Variants in EXOC4 observed in about 807,000 individuals in gnomAD.
EXOC4 encodes SEC8-like 1.
A neutral mutation model predicts 107.2 loss-of-function variants in EXOC4; 71 were observed. The observed-to-expected ratio is 0.66, with a 90% CI of 0.55 to 0.81. The LOEUF (loss-of-function observed/expected upper bound fraction) is 0.81. Ranked by LOEUF, EXOC4 falls within the 30% of genes least tolerant of loss-of-function variation. The probability of loss-of-function intolerance (pLI) is 0.00; values close to 1 mark genes in which losing one functional copy is unlikely to be tolerated. For synonymous variants in EXOC4, 456 were observed against 441.2 expected, an observed-to-expected ratio of 1.03 and a Z score of -0.42; for missense variants, 1,108 against 1,189.6, an observed-to-expected ratio of 0.93 and a Z score of 1.01.
intron 10 of EXOC4, among the ~76,000 whole-genome samples, chr7:133,685,486 T>A (rs1794277488): frequency 6.6e-6 from 1 of 152,140 alleles, no homozygotes; most frequent in East Asian, 1.9e-4. Context: ...CTTTATAAAT[T>A]ACCCAATCTT....
At chr7:133,669,657 A>T (rs1481327095) in intron 10 of EXOC4, among the ~76,000 whole-genome samples, 1 of 152,236 alleles carries the variant, frequency 6.6e-6, no homozygotes, top group Non-Finnish European at 1.5e-5. Flanking sequence ...TACAGTTTTA[A>T]AAGATAGAAA....
intron 10 of EXOC4, among the ~76,000 whole-genome samples, chr7:133,735,010 A>T (rs1229654363): frequency 6.7e-6 from 1 of 148,740 alleles, no homozygotes; most frequent in Non-Finnish European, 1.5e-5. Flanking sequence ...GGAGTTTGAG[A>T]CAAGCCTGTC....
intron 14 of EXOC4, among the ~76,000 whole-genome samples, chr7:133,942,898 A>C (rs1309211855): frequency 6.6e-6 from 1 of 152,136 alleles, no homozygotes; most frequent in African/African-American, 2.4e-5. Flanking sequence ...ACATTTCTGT[A>C]ATTTGCCACT....
At chr7:133,376,495 G>A (rs1796493454) in intron 7 of EXOC4, among the ~76,000 whole-genome samples, 1 of 152,196 alleles carries the variant, frequency 6.6e-6, no homozygotes, top group African/African-American at 2.4e-5. Flanking sequence ...TTTGCTGTAA[G>A]CAACTTAGGT....
intron 10 of EXOC4, among the ~76,000 whole-genome samples, chr7:133,681,080 T>G (rs1366342801): frequency 6.6e-6 from 1 of 152,218 alleles, no homozygotes; most frequent in Non-Finnish European, 1.5e-5. Context: ...CTCCTGCTTA[T>G]GCCTGTGTGT....
chr7:134,085,754 C>T, the EXOC4 span, among the ~76,000 whole-genome samples: 1 of 152,158 alleles, frequency 6.6e-6, no homozygotes, highest in Non-Finnish European at 1.5e-5. Flanking sequence ...TCAAAAACAA[C>T]CAATAGCAAT....
downstream of EXOC4, among the ~76,000 whole-genome samples, chr7:134,070,642 G>A (rs958312202): frequency 2.0e-5 from 3 of 152,264 alleles, no homozygotes; most frequent in East Asian, 1.9e-4. Flanking sequence ...CCAAAGACGC[G>A]TCTGTAATTA....
chr7:133,778,294 T>C (rs1490082066), intron 10 of EXOC4, among the ~76,000 whole-genome samples: 1 of 152,242 alleles, frequency 6.6e-6, no homozygotes, highest in Non-Finnish European at 1.5e-5. Flanking sequence ...TGAGATATTA[T>C]CTCATTTAAG....
At chr7:133,450,709 T>C (rs1486077437) in intron 7 of EXOC4, among the ~76,000 whole-genome samples, 1 of 152,256 alleles carries the variant, frequency 6.6e-6, no homozygotes, top group African/African-American at 2.4e-5. Flanking sequence ...TCTGTTTTTC[T>C]GAGATGGAAC....
chr7:133,779,002 C>G (rs1027491811), intron 10 of EXOC4, among the ~76,000 whole-genome samples: 2 of 152,162 alleles, frequency 1.3e-5, no homozygotes, highest in Non-Finnish European at 2.9e-5. Flanking sequence ...CTCAAACATC[C>G]TTATGATCTC....
At chr7:133,492,746 T>A (rs1799396084) in intron 9 of EXOC4, among the ~76,000 whole-genome samples, 1 of 152,244 alleles carries the variant, frequency 6.6e-6, no homozygotes, top group Admixed American at 6.5e-5. Flanking sequence ...TGATGTACCC[T>A]GTATTTTTAT....
At chr7:134,025,832 A>G (rs1795126625) in intron 17 of EXOC4, among the ~76,000 whole-genome samples, 1 of 152,224 alleles carries the variant, frequency 6.6e-6, no homozygotes, top group African/African-American at 2.4e-5. Flanking sequence ...CGAGCATAGT[A>G]TCACTTCTGT....
intron 9 of EXOC4, among the ~76,000 whole-genome samples, chr7:133,534,029 C>A (rs1254683108): frequency 6.6e-6 from 1 of 152,182 alleles, no homozygotes; most frequent in African/African-American, 2.4e-5. Flanking sequence ...GAGAATACCT[C>A]TTCTGAATAA....
At chr7:133,814,472 AATG>A (rs1387442181) in intron 10 of EXOC4, among the ~76,000 whole-genome samples, 1 of 152,202 alleles carries the variant, frequency 6.6e-6, no homozygotes, top group Non-Finnish European at 1.5e-5. Flanking sequence ...ACAATGCTGT[AATG>A]ATCTATATAC....
intron 11 of EXOC4, among the ~76,000 whole-genome samples, chr7:133,885,922 G>T (rs1459828648): frequency 6.6e-6 from 1 of 152,090 alleles, no homozygotes; most frequent in Non-Finnish European, 1.5e-5. Context: ...CTAGAGAGGG[G>T]TAGGCAGGAG....
intron 5 of EXOC4, among the ~76,000 whole-genome samples, chr7:133,341,504 C>A (rs998682156): frequency 6.6e-6 from 1 of 152,106 alleles, no homozygotes; most frequent in Non-Finnish European, 1.5e-5. Context: ...AATGTATATT[C>A]TGCAGTTGTT....
At chr7:133,954,942 G>A (rs1300097268) in intron 14 of EXOC4, among the ~76,000 whole-genome samples, 1 of 152,256 alleles carries the variant, frequency 6.6e-6, no homozygotes, top group Non-Finnish European at 1.5e-5. Context: ...TGGCACCAGG[G>A]AACACGGTGG....
intron 10 of EXOC4, among the ~76,000 whole-genome samples, chr7:133,655,995 C>T (rs913929311): frequency 1.3e-5 from 2 of 152,008 alleles, no homozygotes; most frequent in Non-Finnish European, 2.9e-5. Context: ...ATGAGTAATG[C>T]ATTGTGCTGT....
intron 17 of EXOC4, among the ~76,000 whole-genome samples, chr7:134,048,517 A>G (rs1367082679): frequency 6.6e-6 from 1 of 152,122 alleles, no homozygotes; most frequent in African/African-American, 2.4e-5. Context: ...CTCAGTTACA[A>G]TTTTTGCAAA....
Sources: gnomAD v4.1 joint callset for allele counts (sites outside exome capture counted in the v4.1 genomes callset) on GRCh38, gnomAD v4.1.1 for gene constraint, MANE v1.5 for transcripts, NCBI Gene and HGNC (gene_info 2026-07-23, HGNC 2026-07-21) for gene names.